OSBPL9: variants seen among roughly 807,000 people sequenced by gnomAD.
OSBPL9 encodes oxysterol-binding protein-related protein 9.
OSBPL9 carries 40 observed loss-of-function variants against 106.6 expected under a neutral mutation model. The observed-to-expected ratio is 0.38, with a 90% confidence interval of 0.29 to 0.49. The LOEUF is 0.49. Among genes scored for constraint, OSBPL9 ranks in the 20% least tolerant of loss-of-function variants. The probability of loss-of-function intolerance (pLI) is 0.97; values close to 1 mark genes in which losing one functional copy is unlikely to be tolerated. For missense variants in OSBPL9, 609 were observed against 887.2 expected (o/e 0.69, Z 3.98); for synonymous variants, 269 against 295.4 (o/e 0.91, Z 0.92).
chr1:51,786,015 T>C (rs577570094), intron 21 of OSBPL9, 129 bp downstream of exon 21: 13 of 782,880 alleles, frequency 1.7e-5, no homozygotes, highest in Non-Finnish European at 2.7e-5. Flanking sequence ...GCTGGAACTT[T>C]AGGACAGCTC....
At chr1:51,522,342 C>T in the OSBPL9 span, among the ~76,000 whole-genome samples, 1 of 152,206 alleles carries the variant, frequency 6.6e-6, no homozygotes, top group African/African-American at 2.4e-5. Context: ...CCCACGTCCC[C>T]TTCCAGACCA....
intron 2 of OSBPL9, among the ~76,000 whole-genome samples, chr1:51,667,944 G>A (rs559642865): frequency 6.6e-6 from 1 of 152,342 alleles, no homozygotes; most frequent in South Asian, 2.1e-4. Context: ...AATAAGTAAA[G>A]TAATTCAAGT....
At chr1:51,544,749 A>G in the OSBPL9 span, among the ~76,000 whole-genome samples, 1,076 of 152,182 alleles carry the variant, frequency 7.1e-3, 8 homozygotes, top group African/African-American at 0.025. Flanking sequence ...CTTAATATAT[A>G]ATAATAACAT....
chr1:51,711,616 C>T (rs1452466710), intron 3 of OSBPL9, among the ~76,000 whole-genome samples: 3 of 135,184 alleles, frequency 2.2e-5, no homozygotes, highest in Non-Finnish European at 4.7e-5. Context: ...ACTTCTCAGA[C>T]GGGGCAGCTG....
At chr1:51,777,635 T>TATA (rs377731919) in intron 15 of OSBPL9, among the ~76,000 whole-genome samples, 3 of 110,802 alleles carry the variant, frequency 2.7e-5, no homozygotes, top group Non-Finnish European at 6.0e-5. Flanking sequence ...TAAATATATA[T>TATA]TTTTTTTTTC....
chr1:51,604,642 G>A (rs182045337), intron 2 of OSBPL9, among the ~76,000 whole-genome samples: 3 of 152,160 alleles, frequency 2.0e-5, no homozygotes, highest in Admixed American at 1.3e-4. Flanking sequence ...ACCAAATATG[G>A]CTAGCTTCAT....
chr1:51,745,674 T>C, intron 5 of OSBPL9, 43 bp downstream of exon 5: 1 of 1,435,450 alleles, frequency 7.0e-7, no homozygotes, highest in Non-Finnish European at 9.1e-7. Flanking sequence ...AAATAGAAAA[T>C]GTTACTGAGC....
Position 51,786,627 on chromosome 1 carries a change from C to G in OSBPL9, c.2000+10C>G, listed in dbSNP as rs1266984768. On this transcript the variant is annotated intron_variant, in intron 22 of 23. Transcript: ENST00000428468. ...AGTATGAATCCCGCAGGTAAGCCGA[C>G]ATTGTTAAGTGGAACTATTGCTGCA... is the stretch of plus-strand genomic sequence containing the variant. 6.2e-7 allele frequency: 1 copy of G among 1,603,364 alleles called. No individual in the cohort carries two copies. The highest frequency in any genetic ancestry group is 1.7e-5 in the Admixed American group (1 of 59,944).
chr1:51,732,634 C>CT (rs1664721151), intron 4 of OSBPL9, among the ~76,000 whole-genome samples: 1 of 152,198 alleles, frequency 6.6e-6, no homozygotes, highest in Non-Finnish European at 1.5e-5. Flanking sequence ...AGATTCGTCA[C>CT]TTTTTTCTAG....
the OSBPL9 span, among the ~76,000 whole-genome samples, chr1:51,549,948 G>T: frequency 6.6e-6 from 1 of 152,182 alleles, no homozygotes; most frequent in East Asian, 1.9e-4. Context: ...TCCACAGCCT[G>T]GTGCAGTGGA....
At chr1:51,626,919 A>C (rs918439999) in intron 1 of OSBPL9, among the ~76,000 whole-genome samples, 1 of 152,170 alleles carries the variant, frequency 6.6e-6, no homozygotes, top group African/African-American at 2.4e-5. Flanking sequence ...AAAGTCACAA[A>C]GTTTCATATC....
chr1:51,682,228 C>T (rs913893425), intron 3 of OSBPL9, among the ~76,000 whole-genome samples: 2 of 151,698 alleles, frequency 1.3e-5, no homozygotes, highest in African/African-American at 4.8e-5. Flanking sequence ...ATTATTTTTA[C>T]TGTTGTATTA....
chr1:51,585,412 A>C (rs1480966202), intron 1 of OSBPL9, among the ~76,000 whole-genome samples: 1 of 152,184 alleles, frequency 6.6e-6, no homozygotes, highest in Non-Finnish European at 1.5e-5. Context: ...GAGTGTGTAA[A>C]GCATCATGCT....
intron 1 of OSBPL9, among the ~76,000 whole-genome samples, chr1:51,618,644 T>TA (rs377495817): frequency 2.5e-4 from 38 of 152,294 alleles, no homozygotes; most frequent in African/African-American, 8.9e-4. Context: ...GAATAGACAG[T>TA]AAAAAAGACA....
chr1:51,558,151 G>A, the OSBPL9 span, among the ~76,000 whole-genome samples: 2 of 151,948 alleles, frequency 1.3e-5, no homozygotes, highest in African/African-American at 4.8e-5. Flanking sequence ...GTAGTGGCGG[G>A]CGCCTGTAGT....
chr1:51,757,042 T>C (rs963653537), intron 9 of OSBPL9: 6 of 152,198 alleles, frequency 3.9e-5, no homozygotes, highest in African/African-American at 1.4e-4. Context: ...TGAGTGACCT[T>C]AGTCTGTATT....
chr1:51,667,816 T>A (rs1171944512), intron 2 of OSBPL9, among the ~76,000 whole-genome samples: 1 of 152,234 alleles, frequency 6.6e-6, no homozygotes, highest in Non-Finnish European at 1.5e-5. Context: ...AATGGTGATC[T>A]GGTACTGGTT....
In OSBPL9 at chr1:51,765,841, G is replaced by T. The variant is rs1445901778; in HGVS notation, c.798G>T (p.Pro266=). ...PNSTGSGHSP[P]SSSLTSPSHV... ...TCCTAGGCAGTGGCCATTCACCACC[G>T]AGTAGCAGTCTCACTTCTCCAAGCC... The change falls in exon 12 of 24, where the codon CCG becomes CCT. Residue 266 remains proline, a synonymous_variant. Coordinates refer to ENST00000428468, the MANE Select transcript of OSBPL9 (RefSeq NM_024586.6). 1 of 1,613,224 alleles carries T rather than the reference G, an allele frequency of 6.2e-7. No individual in the cohort carries two copies. Among genetic ancestry groups the T allele is most frequent in the Non-Finnish European group, 8.5e-7 (1 of 1,179,656 alleles).
the OSBPL9 span, among the ~76,000 whole-genome samples, chr1:51,546,665 C>G: frequency 6.6e-6 from 1 of 151,326 alleles, no homozygotes; most frequent in African/African-American, 2.4e-5. Flanking sequence ...CCACTGCACT[C>G]CAGCCTGGGC....
Sources: allele counts gnomAD v4.1 joint callset (sites outside exome capture counted in the v4.1 genomes callset), GRCh38; gene constraint gnomAD v4.1.1; transcripts MANE v1.5; gene names NCBI Gene and HGNC (gene_info 2026-07-23, HGNC 2026-07-21).